The following MEIOC variants were observed in gnomAD, a reference collection of about 807,000 sequenced individuals.
MEIOC encodes meiosis-specific coiled-coil domain-containing protein MEIOC.
A neutral mutation model predicts 85.3 loss-of-function variants in MEIOC; 9 were observed. That is an observed-to-expected ratio of 0.11 (90% confidence interval 0.06 to 0.18). The LOEUF is 0.18. MEIOC is among the 10% of genes least tolerant of loss of function. The pLI is 1.00. For missense variants in MEIOC, 898 were observed against 1,129.4 expected (o/e 0.80, Z 2.94); for synonymous variants, 365 against 393.7 (o/e 0.93, Z 0.86).
In MEIOC at chr17:44,668,023, G is replaced by A. The variant is rs771216681; in HGVS notation, c.2112G>A (p.Leu704=). The change falls in exon 5 of 8, where the codon TTG becomes TTA. Residue 704 remains leucine, a synonymous_variant. Coordinates refer to ENST00000409122, the MANE Select transcript of MEIOC (RefSeq NM_001145080.3). ...HPFGHSVVPL[L]DSYDLLSYDD... ...TTGGCCATTCAGTTGTTCCACTGTT[G>A]GATTCCTATGACTTACTTTCTTATG... The A allele has an allele frequency of 2.5e-6, 4 of 1,613,390 alleles. No individual in the cohort carries two copies. Among genetic ancestry groups the A allele is most frequent in the African/African-American group, 2.7e-5 (2 of 74,906 alleles).
Position 44,666,711 on chromosome 17 carries a change from A to G in MEIOC, c.800A>G (p.Lys267Arg). ...ACATTCCAAGAATATCCACTTATCA[A>G]AAACTGTTTTACACCCCAAACTGGT... ...KTTFQEYPLIKNCFTPQTGLS... is the reference protein window; with the variant it reads ...KTTFQEYPLIRNCFTPQTGLS... The change falls in exon 5 of 8, where the codon AAA becomes AGA. Residue 267 changes from lysine (K) to arginine (R), a missense_variant. Physicochemically the swap from Lys to Arg is conservative, Grantham distance 26. Transcript: ENST00000409122. 1 of 1,613,244 alleles carries G rather than the reference A, an allele frequency of 6.2e-7. No individual in the cohort carries two copies. The highest frequency in any genetic ancestry group is 1.3e-5 in the African/African-American group (1 of 75,044).
At position 44,668,035 on chromosome 17, in the gene MEIOC, C is replaced by T. The variant is rs770269656; in HGVS notation, c.2124C>T (p.Asp708=). 1 of 1,613,482 alleles carries T rather than the reference C, an allele frequency of 6.2e-7. No homozygotes were observed. The highest frequency in any genetic ancestry group is 8.5e-7 in the Non-Finnish European group (1 of 1,179,538). ...TTGTTCCACTGTTGGATTCCTATGA[C>T]TTACTTTCTTATGATGACTTAAGCC... The part of the protein sequence containing the change: ...HSVVPLLDSY[D]LLSYDDLSHL... Residue 708 remains aspartate (D), a synonymous_variant, in exon 5 of 8, where the codon GAC becomes GAT. Transcript: ENST00000409122.
At chr17:44,658,416 A>G (rs911899794) in intron 2 of MEIOC, among the ~76,000 whole-genome samples, 4 of 151,358 alleles carry the variant, frequency 2.6e-5, no homozygotes, top group African/African-American at 9.7e-5. Context: ...CAGCCTCCCA[A>G]AGTGCTGGGA....
At position 44,657,129 on chromosome 17, in the gene MEIOC, C is replaced by A. The variant is rs1393645043; in HGVS notation, c.72C>A (p.Pro24=). Residue 24 remains proline, a splice_region_variant and synonymous_variant, in exon 2 of 8, where the codon CCC becomes CCA. Transcript: ENST00000409122. ...TTTCCTATTCCCGTGTGCTGCAGCC[C>A]AAAGTCGCGTTCCCCGGAGGTGCGA... ...PSGLREEGLE[P]KVAFPGGANR... 1.3e-6 allele frequency: 2 copies of A among 1,549,502 alleles called. No individual in the cohort carries two copies. The highest frequency in any genetic ancestry group is 2.7e-5 in the African/African-American group (2 of 73,052).
At position 44,668,193 on chromosome 17, in the gene MEIOC, G is replaced by C; in HGVS notation, c.2282G>C (p.Cys761Ser). 2 of 1,611,980 alleles carry C rather than the reference G, an allele frequency of 1.2e-6. No individual in the cohort carries two copies. Among genetic ancestry groups the C allele is most frequent in the Non-Finnish European group, 1.7e-6 (2 of 1,179,302 alleles). The change falls in exon 5 of 8, where the codon TGC (cysteine) becomes TCC (serine). Residue 761 changes from cysteine to serine, a missense_variant. Cys to Ser is a moderately radical substitution (Grantham distance 112, BLOSUM62 -1). Transcript: ENST00000409122. ...ASELHIRLEECCEQWRALEKE... is the reference protein window; with the variant it reads ...ASELHIRLEESCEQWRALEKE... The stretch of plus-strand genomic sequence containing the variant: ...GAACTTCATATTCGTCTAGAAGAGT[G>C]CTGTGAACAATGGAGAGCATTAGAA...
Position 44,656,554 on chromosome 17 carries a change from C to G in MEIOC, c.-60C>G, listed in dbSNP as rs571195173. The G allele has an allele frequency of 4.7e-6, 6 of 1,286,128 alleles. No individual in the cohort carries two copies. The African/African-American group carries it at 6.3e-5, about 13-fold the overall frequency. 79.7% of individuals were successfully genotyped at this position (1,286,128 alleles called of 1,614,324 possible). ...TGAGGGAGCCGGGCCTGGACGCCCC[C>G]CCCATCACCCCCGTACCCCAGGAGC... is the stretch of plus-strand genomic sequence containing the variant. On this transcript the variant is annotated 5_prime_UTR_variant, in exon 1 of 8. Transcript: ENST00000409122.
chr17:44,660,914 G>A (rs2144658808), intron 2 of MEIOC, among the ~76,000 whole-genome samples: 1 of 150,974 alleles, frequency 6.6e-6, no homozygotes, highest in Non-Finnish European at 1.5e-5. Flanking sequence ...GCAACACAGT[G>A]AGACCCCATT....
intron 6 of MEIOC, chr17:44,670,969 A>G (rs959318299): frequency 6.0e-4 from 92 of 152,296 alleles, no homozygotes; most frequent in African/African-American, 2.2e-3. Flanking sequence ...TAGGGTAGGT[A>G]AACTTTTCCT....
At chr17:44,669,702 A>C in intron 6 of MEIOC, 185 bp downstream of exon 6, 2 of 542,354 alleles carry the variant, frequency 3.7e-6, no homozygotes, top group Non-Finnish European at 6.5e-6. Context: ...TCTACTAAAA[A>C]TACAAAAATT....
At position 44,668,181 on chromosome 17, in the gene MEIOC, G is replaced by A. The variant is rs143171146; in HGVS notation, c.2270G>A (p.Arg757His). 302 of 1,613,606 alleles carry A rather than the reference G, an allele frequency of 1.9e-4. No individual in the cohort carries two copies. Among genetic ancestry groups the A allele is most frequent in the African/African-American group, 1.7e-3 (125 of 74,998 alleles). Residue 757 changes from arginine to histidine, a missense_variant, in exon 5 of 8, where the codon CGT (arginine) becomes CAT (histidine). By Grantham distance (29) the Arg-to-His change is conservative. Coordinates refer to ENST00000409122, the MANE Select transcript of MEIOC (RefSeq NM_001145080.3). ...RSGPASELHI[R>H]LEECCEQWRA... ...GGACCAGCCAGTGAACTTCATATTC[G>A]TCTAGAAGAGTGCTGTGAACAATGG...
At chr17:44,664,575 T>C (rs1053896867) in intron 3 of MEIOC, among the ~76,000 whole-genome samples, 29 of 152,022 alleles carry the variant, frequency 1.9e-4, no homozygotes, top group African/African-American at 7.0e-4. Flanking sequence ...ATATTTGGAG[T>C]ATAATGTATA....
intron 5 of MEIOC, among the ~76,000 whole-genome samples, chr17:44,669,100 G>A (rs1436034610): frequency 1.3e-5 from 2 of 152,084 alleles, no homozygotes; most frequent in Non-Finnish European, 2.9e-5. Flanking sequence ...CTACGCGGGA[G>A]GCTGAGGCAG....
At chr17:44,660,568 A>G (rs1971829783) in intron 2 of MEIOC, among the ~76,000 whole-genome samples, 1 of 152,134 alleles carries the variant, frequency 6.6e-6, no homozygotes, top group Non-Finnish European at 1.5e-5. Flanking sequence ...TTATAAGAAA[A>G]TACTATTTTC....
At chr17:44,669,906 G>A in intron 6 of MEIOC, 1 of 165,212 alleles carries the variant, frequency 6.1e-6, no homozygotes, top group Non-Finnish European at 1.3e-5. Flanking sequence ...AGCTTTGAAG[G>A]GTTTTTAAAT....
intron 2 of MEIOC, among the ~76,000 whole-genome samples, chr17:44,657,756 T>A (rs1415556426): frequency 2.0e-5 from 3 of 152,048 alleles, no homozygotes; most frequent in African/African-American, 4.8e-5. Context: ...TTTCTCCATG[T>A]TGGTCAGGCT....
At chr17:44,658,792 C>CA (rs545961771) in intron 2 of MEIOC, among the ~76,000 whole-genome samples, 11,318 of 70,476 alleles carry the variant, frequency 0.16, 574 homozygotes, top group Non-Finnish European at 0.2. Flanking sequence ...GACTCCCTCT[C>CA]AAAAAAAAAA....
intron 6 of MEIOC, chr17:44,670,448 G>A (rs143665761): frequency 6.7e-6 from 1 of 149,706 alleles, no homozygotes; most frequent in South Asian, 2.1e-4. Flanking sequence ...TATGGAGAAA[G>A]TCTCATTTCT....
In MEIOC at chr17:44,666,873, A is replaced by G; in HGVS notation, c.962A>G (p.Glu321Gly). 6.2e-7 allele frequency: 1 copy of G among 1,610,128 alleles called. No individual in the cohort carries two copies. The highest frequency in any genetic ancestry group is 8.5e-7 in the Non-Finnish European group (1 of 1,177,794). Residue 321 changes from glutamate to glycine, a missense_variant, in exon 5 of 8, where the codon GAA (glutamate) becomes GGA (glycine). Glu to Gly is a moderately conservative substitution (Grantham distance 98). Around this residue, in one of 2 missense-constraint regions of MEIOC, gnomAD observed 734 missense variants for 860.1 expected, o/e 0.85. Coordinates refer to ENST00000409122, the MANE Select transcript of MEIOC (RefSeq NM_001145080.3). ...CTTTCTCAATTTAATAGATACAATG[A>G]AAATGTAGATTATTGTAGATACCCA... is the stretch of plus-strand genomic sequence containing the variant. ...MFLSQFNRYN[E>G]NVDYCRYPEY...
Position 44,667,021 on chromosome 17 carries a change from G to A in MEIOC, c.1110G>A (p.Lys370=), listed in dbSNP as rs769194089. ...CTGTAGAAGCAGACACCTACACAAAGTTATTTCAGGTTAAGCCAGCGAATC... is the reference window on the plus strand; with the variant it reads ...CTGTAGAAGCAGACACCTACACAAAATTATTTCAGGTTAAGCCAGCGAATC... ...TPTVEADTYT[K]LFQVKPANQK... Residue 370 remains lysine (K), a synonymous_variant, in exon 5 of 8, where the codon AAG becomes AAA. Coordinates refer to ENST00000409122, the MANE Select transcript of MEIOC (RefSeq NM_001145080.3). 34 of 1,613,668 alleles carry A rather than the reference G, an allele frequency of 2.1e-5. No individual in the cohort carries two copies. The highest frequency in any genetic ancestry group is 2.9e-5 in the Non-Finnish European group (34 of 1,179,816).
Sources: allele counts gnomAD v4.1 joint callset (sites outside exome capture counted in the v4.1 genomes callset), GRCh38; gene constraint gnomAD v4.1.1; regional missense constraint gnomAD v4.1.1; transcripts MANE v1.5; gene names NCBI Gene and HGNC (gene_info 2026-07-23, HGNC 2026-07-21).